NUP85: variants seen among roughly 807,000 people sequenced by gnomAD.
The protein encoded by NUP85 is nucleoporin 85.
Under a neutral mutation model 92.8 loss-of-function variants are expected in NUP85, and 23 were observed. The ratio of observed to expected loss-of-function variants is 0.25; its 90% CI spans 0.18 to 0.35. The LOEUF (loss-of-function observed/expected upper bound fraction) is 0.35, where lower values mean the gene tolerates loss of function less well. Among genes scored for constraint, NUP85 ranks in the 10% least tolerant of loss-of-function variants. The probability of loss-of-function intolerance (pLI) is 1.00; values close to 1 mark genes in which losing one functional copy is unlikely to be tolerated. For missense variants in NUP85, 759 were observed against 822.8 expected (o/e 0.92, Z 0.95); for synonymous variants, 314 against 306.9 (o/e 1.02, Z -0.24).
chr17:75,209,148 C>A (rs1464730520), intron 2 of NUP85, among the ~76,000 whole-genome samples: 1 of 151,962 alleles, frequency 6.6e-6, no homozygotes, highest in Non-Finnish European at 1.5e-5. Flanking sequence ...TTTTCTTTGT[C>A]CAAAGTGACC....
intron 3 of NUP85, 74 bp downstream of exon 3, chr17:75,210,059 T>C (rs2075211239): frequency 5.5e-6 from 8 of 1,460,174 alleles, no homozygotes; most frequent in African/African-American, 4.3e-5. Context: ...TTGTTGTCTT[T>C]TTGTGTGTTT....
At chr17:75,216,547 G>A (rs1237510767) in intron 6 of NUP85, among the ~76,000 whole-genome samples, 1 of 152,182 alleles carries the variant, frequency 6.6e-6, no homozygotes, top group East Asian at 1.9e-4. Context: ...TTCCAGGTGT[G>A]AGCCACCGTG....
intron 7 of NUP85, among the ~76,000 whole-genome samples, chr17:75,218,517 T>C (rs952418440): frequency 6.7e-6 from 1 of 150,328 alleles, no homozygotes; most frequent in African/African-American, 2.4e-5. Flanking sequence ...TGAAGACTTT[T>C]CCAGGGTAAA....
Position 75,228,500 on chromosome 17 carries a change from A to G in NUP85, c.1094+2343A>G, listed in dbSNP as rs568030433. The G allele has an allele frequency of 4.0e-5, 39 of 985,432 alleles. No homozygotes were observed. The South Asian group carries it at 1.4e-3, about 36-fold the overall frequency. 61.0% of individuals were successfully genotyped at this position (985,432 alleles called of 1,614,324 possible). ...CCCAGGAATTGTGAAATGGGCTGCAATGTCTTCAGAGGCAGTAGCAGTTTT... is the reference window on the plus strand; with the variant it reads ...CCCAGGAATTGTGAAATGGGCTGCAGTGTCTTCAGAGGCAGTAGCAGTTTT... On this transcript the variant is annotated intron_variant, in intron 11 of 18. Coordinates refer to ENST00000245544, the MANE Select transcript of NUP85 (RefSeq NM_024844.5).
At chr17:75,228,679 G>A in intron 11 of NUP85, 2 of 985,410 alleles carry the variant, frequency 2.0e-6, no homozygotes, top group African/African-American at 1.7e-5. Context: ...CTGTTGGCAT[G>A]CCTTTTTAAA....
intron 6 of NUP85, 66 bp downstream of exon 6, chr17:75,215,889 C>G (rs1035454842): frequency 7.5e-7 from 1 of 1,327,558 alleles, no homozygotes. Flanking sequence ...CTTTCCTCAT[C>G]TTTCCTGTGC....
intron 1 of NUP85, among the ~76,000 whole-genome samples, chr17:75,206,793 G>T (rs1049370387): frequency 2.6e-5 from 4 of 151,984 alleles, no homozygotes; most frequent in Non-Finnish European, 4.4e-5. Context: ...CGCCTCCCGG[G>T]TTCACACCAT....
chr17:75,230,446 G>A (rs912521770), intron 11 of NUP85, among the ~76,000 whole-genome samples: 8 of 145,986 alleles, frequency 5.5e-5, no homozygotes, highest in African/African-American at 1.6e-4. Flanking sequence ...TGCAAGCCCC[G>A]CCTCCTAGGT....
At chr17:75,207,284 A>G (rs1261754635) in intron 1 of NUP85, among the ~76,000 whole-genome samples, 1 of 150,144 alleles carries the variant, frequency 6.7e-6, no homozygotes, top group Admixed American at 6.6e-5. Context: ...CCCAGGTTCA[A>G]GCAATTCTCC....
intron 11 of NUP85, chr17:75,228,730 G>A (rs1305446130): frequency 2.0e-6 from 2 of 985,164 alleles, no homozygotes; most frequent in Non-Finnish European, 2.4e-6. Context: ...TTCCTTTCCT[G>A]TTCACACCAC....
Position 75,225,724 on chromosome 17 carries a change from G to C in NUP85, c.882G>C (p.Leu294Phe). ...TTATGCTGGGAGACGAAGCTGCCTTGTTAGAGCAGAAGGAACTTCTGAGTA... is the reference window on the plus strand; with the variant it reads ...TTATGCTGGGAGACGAAGCTGCCTTCTTAGAGCAGAAGGAACTTCTGAGTA... ...LKIMLGDEAA[L>F]LEQKELLSNW... is the part of the protein sequence containing the mutation. Residue 294 changes from leucine (L) to phenylalanine (F), a missense_variant, in exon 10 of 19, where the codon TTG becomes TTC. Physicochemically the swap from Leu to Phe is conservative, Grantham distance 22 (BLOSUM62 0). Transcript: ENST00000245544. 1 of 1,614,202 alleles carries C rather than the reference G, an allele frequency of 6.2e-7. No homozygotes were observed. The highest frequency in any genetic ancestry group is 1.1e-5 in the South Asian group (1 of 91,090).
Position 75,231,281 on chromosome 17 carries a change from C to A in NUP85, c.1095-59C>A. On this transcript the variant is annotated intron_variant, in intron 11 of 18. Transcript: ENST00000245544. The surrounding 1 kb of genome is among the most constrained non-coding windows in gnomAD (Gnocchi z 4.6). Reference sequence around the variant, plus strand: ...GTGGGGTTTCTTGCTCACCCCCACTCTTGTGGGACGCGGCCTGTGCCCTGA... The same window carrying A: ...GTGGGGTTTCTTGCTCACCCCCACTATTGTGGGACGCGGCCTGTGCCCTGA... The A allele has an allele frequency of 6.4e-7, 1 of 1,550,540 alleles. No homozygotes were observed. The highest frequency in any genetic ancestry group is 8.9e-7 in the Non-Finnish European group (1 of 1,122,882).
chr17:75,217,746 A>T (rs2075474757), intron 6 of NUP85, among the ~76,000 whole-genome samples: 2 of 152,114 alleles, frequency 1.3e-5, no homozygotes, highest in Admixed American at 1.3e-4. Context: ...AGCTTAGATG[A>T]TCCACCTGCC....
chr17:75,232,097 G>A, intron 14 of NUP85, 118 bp downstream of exon 14: 1 of 1,095,484 alleles, frequency 9.1e-7, no homozygotes, highest in Non-Finnish European at 1.3e-6. Context: ...CTGGAGACGT[G>A]GGGCTGTGGA....
intron 7 of NUP85, among the ~76,000 whole-genome samples, chr17:75,220,639 G>C (rs544995116): frequency 4.0e-4 from 61 of 152,026 alleles, no homozygotes; most frequent in African/African-American, 1.4e-3. Context: ...CCAGGCTGGA[G>C]TGCAGTGGCG....
chr17:75,209,979 A>G lies in NUP85; in HGVS notation c.284A>G (p.Lys95Arg), dbSNP rs765585087. ...GAAGAGTTGACTGGAAAATCCAGAA[A>G]ATCTCAGTAAGTTGGTTGCTGTTTG... Reference protein sequence around the residue: ...IDEELTGKSRKSQLVRVSKNY... With the variant: ...IDEELTGKSRRSQLVRVSKNY... The change falls in exon 3 of 19, where the codon AAA (lysine) becomes AGA (arginine). Residue 95 changes from lysine (K) to arginine (R), a missense_variant. Transcript: ENST00000245544. 1 of 1,591,838 alleles carries G rather than the reference A, an allele frequency of 6.3e-7. No homozygotes were observed. Among genetic ancestry groups the G allele is most frequent in the Admixed American group, 1.9e-5 (1 of 52,162 alleles).
Position 75,229,695 on chromosome 17 carries a change from A to T in NUP85, c.1095-1645A>T, listed in dbSNP as rs1409661158. On this transcript the variant is annotated intron_variant, in intron 11 of 18. Transcript: ENST00000245544. ...TGCAGCACTATGTCTGGTCTCCGTCACTTGAGTTGTGTTGTTAGTTCTCTG... is the reference window on the plus strand; with the variant it reads ...TGCAGCACTATGTCTGGTCTCCGTCTCTTGAGTTGTGTTGTTAGTTCTCTG... 3.9e-5 allele frequency among the ~76,000 whole-genome samples: 6 copies of T among 152,250 alleles called. No homozygotes were observed. The East Asian group carries it at 1.2e-3, about 29-fold the overall frequency.
Position 75,232,895 on chromosome 17 carries a change from A to G in NUP85, c.1441A>G (p.Asn481Asp). 4.3e-6 allele frequency: 7 copies of G among 1,614,206 alleles called. No individual in the cohort carries two copies. The highest frequency in any genetic ancestry group is 5.9e-6 in the Non-Finnish European group (7 of 1,180,044). Residue 481 changes from asparagine to aspartate, a missense_variant, in exon 15 of 19, where the codon AAT becomes GAT. Physicochemically the swap from Asn to Asp is conservative, Grantham distance 23. Transcript: ENST00000245544. ...KILAMKAVRN[N>D]RLGSALSWSI... ...CTTAGCCATGAAAGCCGTCCGCAAC[A>G]ATCGCCTGGGTTCTGCCCTCTCTTG...
intron 7 of NUP85, among the ~76,000 whole-genome samples, chr17:75,219,579 C>CT (rs1254303159): frequency 6.6e-6 from 1 of 152,182 alleles, no homozygotes; most frequent in Admixed American, 6.6e-5. Context: ...TGGTCATTCA[C>CT]TGAGTATTTA....
Sources: gnomAD v4.1 joint callset for allele counts (sites outside exome capture counted in the v4.1 genomes callset) on GRCh38, gnomAD v4.1.1 for gene constraint, Gnocchi (gnomAD v3.1) non-coding constraint, MANE v1.5 for transcripts, NCBI Gene and HGNC (gene_info 2026-07-23, HGNC 2026-07-21) for gene names.